The following CADPS variants were observed in gnomAD, a reference collection of about 807,000 sequenced individuals.
The protein encoded by CADPS is calcium-dependent secretion activator 1.
CADPS carries 57 observed loss-of-function variants against 167.3 expected under a neutral mutation model. The observed-to-expected ratio is 0.34, with a 90% CI of 0.28 to 0.42. The LOEUF is 0.42. Among genes scored for constraint, CADPS ranks in the 20% least tolerant of loss-of-function variants. The probability of loss-of-function intolerance (pLI) is 1.00; values close to 1 mark genes in which losing one functional copy is unlikely to be tolerated. For missense variants in CADPS, 1,414 were observed against 1,738.1 expected (o/e 0.81, Z 3.32); for synonymous variants, 676 against 635.3 (o/e 1.06, Z -0.96).
intron 1 of CADPS, among the ~76,000 whole-genome samples, chr3:62,867,775 T>A (rs1270518794): frequency 6.6e-6 from 1 of 151,504 alleles, no homozygotes; most frequent in Non-Finnish European, 1.5e-5. Flanking sequence ...ACACTTGTAT[T>A]GCACTTACAC....
chr3:62,626,435 T>C (rs1384948466), intron 6 of CADPS: 1 of 694,272 alleles, frequency 1.4e-6, no homozygotes, highest in Non-Finnish European at 2.6e-6. Flanking sequence ...ATAGTGAAAT[T>C]ATTCAGTAAA....
intron 3 of CADPS, among the ~76,000 whole-genome samples, chr3:62,683,551 A>T (rs1017212151): frequency 6.6e-6 from 1 of 152,098 alleles, no homozygotes; most frequent in African/African-American, 2.4e-5. Context: ...CTTCTTGTTA[A>T]CATCTCATGT....
chr3:62,522,954 C>T (rs1023804305), intron 13 of CADPS, among the ~76,000 whole-genome samples: 7 of 152,202 alleles, frequency 4.6e-5, no homozygotes, highest in South Asian at 2.1e-4. Flanking sequence ...CAGACTATAT[C>T]GCATCTGACA....
At chr3:62,542,261 G>T (rs906609718) in intron 11 of CADPS, among the ~76,000 whole-genome samples, 2 of 152,130 alleles carry the variant, frequency 1.3e-5, no homozygotes, top group African/African-American at 4.8e-5. Flanking sequence ...AATAGCTAAT[G>T]CAACTCTAAA....
chr3:62,432,228 T>C (rs1299401491), intron 28 of CADPS, among the ~76,000 whole-genome samples: 2 of 152,168 alleles, frequency 1.3e-5, no homozygotes, highest in Non-Finnish European at 2.9e-5. Flanking sequence ...TACGTCTGTC[T>C]ACATTCATTA....
chr3:62,473,133 C>A lies in CADPS; in HGVS notation c.3477+1040G>T, dbSNP rs2060827230. ...AGCACACGATGCTGGGACAGAGAAC[C>A]AAGGGCACCCTGAATTTGACTCCAG... On this transcript the variant is annotated intron_variant, in intron 24 of 29. Coordinates refer to ENST00000383710, the MANE Select transcript of CADPS (RefSeq NM_003716.4). Among the ~76,000 whole-genome samples, 6 of 149,906 alleles carry A rather than the reference C, an allele frequency of 4.0e-5. No homozygotes were observed. The Admixed American group carries it at 4.1e-4, about 10-fold the overall frequency.
At chr3:62,647,754 C>T (rs946431602) in intron 5 of CADPS, among the ~76,000 whole-genome samples, 3 of 152,202 alleles carry the variant, frequency 2.0e-5, no homozygotes, top group Non-Finnish European at 4.4e-5. Flanking sequence ...TCTGACTTCA[C>T]ATCCTGATTA....
chr3:62,843,453 AC>A (rs1199539108), intron 1 of CADPS, among the ~76,000 whole-genome samples: 1 of 151,358 alleles, frequency 6.6e-6, no homozygotes, highest in Admixed American at 6.6e-5. Context: ...ATTACAAAAT[AC>A]CCCCAAATAA....
intron 6 of CADPS, among the ~76,000 whole-genome samples, chr3:62,594,222 C>T (rs1450229099): frequency 1.4e-5 from 2 of 146,564 alleles, no homozygotes; most frequent in African/African-American, 2.5e-5. Context: ...AGTGCAGTGG[C>T]GGGATCTCGG....
intron 21 of CADPS, among the ~76,000 whole-genome samples, 158 bp downstream of exon 21, chr3:62,491,181 G>C (rs1406368997): frequency 1.3e-5 from 2 of 152,026 alleles, no homozygotes; most frequent in Non-Finnish European, 2.9e-5. Flanking sequence ...CCTGCCATTT[G>C]GGCAAAGAAG....
At chr3:62,726,280 G>C (rs561089311) in intron 3 of CADPS, among the ~76,000 whole-genome samples, 1 of 151,970 alleles carries the variant, frequency 6.6e-6, no homozygotes, top group African/African-American at 2.4e-5. Context: ...GTCCACTTTA[G>C]GTCCATGGAA....
intron 3 of CADPS, among the ~76,000 whole-genome samples, chr3:62,687,688 A>G (rs2078308584): frequency 1.3e-5 from 2 of 149,144 alleles, no homozygotes; most frequent in Non-Finnish European, 3.0e-5. Context: ...TTAAATTTCA[A>G]CATTGTGTAT....
chr3:62,471,512 A>G (rs2060615484), intron 24 of CADPS, among the ~76,000 whole-genome samples: 2 of 152,028 alleles, frequency 1.3e-5, no homozygotes, highest in Non-Finnish European at 2.9e-5. Flanking sequence ...CTCTCCCTAA[A>G]CCCCCAGCTC....
intron 15 of CADPS, 113 bp downstream of exon 15, chr3:62,516,467 G>A: frequency 3.5e-6 from 3 of 860,750 alleles, no homozygotes; most frequent in Non-Finnish European, 3.6e-6. Flanking sequence ...TTTGATGAAT[G>A]GTAAACAAAT....
chr3:62,725,668 CTAT>C (rs1434897517), intron 3 of CADPS, among the ~76,000 whole-genome samples: 1 of 151,100 alleles, frequency 6.6e-6, no homozygotes, highest in Non-Finnish European at 1.5e-5. Flanking sequence ...GGTACATTTG[CTAT>C]TATTATTATT....
chr3:62,558,581 C>T (rs1302890579), intron 9 of CADPS, among the ~76,000 whole-genome samples: 1 of 152,154 alleles, frequency 6.6e-6, no homozygotes, highest in Non-Finnish European at 1.5e-5. Flanking sequence ...CATTTTTAGT[C>T]TCTTCTATAG....
intron 4 of CADPS, among the ~76,000 whole-genome samples, chr3:62,660,355 T>C (rs2072891435): frequency 6.6e-6 from 1 of 152,200 alleles, no homozygotes; most frequent in South Asian, 2.1e-4. Flanking sequence ...GGAAACATTT[T>C]TACAGGAGAA....
chr3:62,652,515 T>C (rs1382172031), intron 4 of CADPS, among the ~76,000 whole-genome samples: 1 of 152,026 alleles, frequency 6.6e-6, no homozygotes, highest in Non-Finnish European at 1.5e-5. Flanking sequence ...TGTCAAGCAG[T>C]TGAACTAGAC....
rs138055445 is a variant in CADPS at position 62,576,788 on chromosome 3, T to TA, written c.1578-5851dup. On this transcript the variant is annotated intron_variant, in intron 8 of 29. Coordinates refer to ENST00000383710, the MANE Select transcript of CADPS (RefSeq NM_003716.4). ...CTGGGTGACAGAGCAAGACTCTGTC[T>TA]AAAAAAAAAAAAAAAAAAAAAAAAA... Among the ~76,000 whole-genome samples the TA allele has an allele frequency of 5.9e-3, 176 of 29,830 alleles. 26 individuals carry two copies. Among genetic ancestry groups the TA allele is most frequent in the African/African-American group, 0.018 (149 of 8,188 alleles). 19.6% of individuals were successfully genotyped at this position (29,830 alleles called of 152,430 possible).
Sources: allele counts gnomAD v4.1 joint callset (sites outside exome capture counted in the v4.1 genomes callset), GRCh38; gene constraint gnomAD v4.1.1; transcripts MANE v1.5; gene names NCBI Gene and HGNC (gene_info 2026-07-23, HGNC 2026-07-21).